Variants in RAB5A observed in about 807,000 individuals in gnomAD.
RAB5A encodes RAB5A, member RAS oncogene family.
RAB5A carries 8 observed loss-of-function variants against 25.7 expected under a neutral mutation model. The observed-to-expected ratio is 0.31, with a 90% CI of 0.18 to 0.56. RAB5A has a LOEUF of 0.56. Ranked by LOEUF, RAB5A falls within the 20% of genes least tolerant of loss-of-function variation. RAB5A has a pLI of 0.91. For synonymous variants in RAB5A, 98 were observed against 89.8 expected (o/e 1.09, Z -0.52); for missense variants, 192 against 259.7 (o/e 0.74, Z 1.79).
At chr3:19,960,935 T>C (rs375688541) in intron 2 of RAB5A, among the ~76,000 whole-genome samples, 10 of 152,212 alleles carry the variant, frequency 6.6e-5, no homozygotes, top group East Asian at 5.8e-4. Context: ...TGCATAATTA[T>C]CAGACACCTT....
At chr3:19,958,076 G>T (rs1242770046) in intron 2 of RAB5A, among the ~76,000 whole-genome samples, 1 of 152,004 alleles carries the variant, frequency 6.6e-6, no homozygotes, top group Non-Finnish European at 1.5e-5. Flanking sequence ...CTTTTTGCAT[G>T]TGCACATTGT....
chr3:19,947,737 G>C (rs6781143), intron 1 of RAB5A: 31,254 of 152,268 alleles, frequency 0.21, 3,903 homozygotes, highest in African/African-American at 0.35. Flanking sequence ...GGGATTTGGG[G>C]ACTGACTGAG....
At position 19,951,701 on chromosome 3, in the gene RAB5A, G is replaced by GTTTTTTTTTTTTTTTTT. The variant is rs61250458; in HGVS notation, c.163+642_163+658dup. 4.3e-3 allele frequency among the ~76,000 whole-genome samples: 422 copies of GTTTTTTTTTTTTTTTTT among 98,934 alleles called. 25 individuals are homozygous for GTTTTTTTTTTTTTTTTT. Among genetic ancestry groups the GTTTTTTTTTTTTTTTTT allele is most frequent in the African/African-American group, 5.8e-3 (141 of 24,376 alleles). 64.9% of individuals were successfully genotyped at this position (98,934 alleles called of 152,430 possible). On this transcript the variant is annotated intron_variant, in intron 2 of 5. Coordinates refer to ENST00000273047, the MANE Select transcript of RAB5A (RefSeq NM_004162.5). ...GGGTGCATGCCACCATGCCAGGCAA[G>GTTTTTTTTTTTTTTTTT]TTTTTTTTTTTTTTTTTTAAGAGTC... is the stretch of plus-strand genomic sequence containing the variant.
intron 5 of RAB5A, chr3:19,979,855 C>G (rs1011700753): frequency 6.6e-6 from 1 of 152,090 alleles, no homozygotes; most frequent in African/African-American, 2.4e-5. Context: ...TTTTACAGCA[C>G]TGATTCTTAA....
At chr3:19,954,926 T>C (rs1262074089) in intron 2 of RAB5A, among the ~76,000 whole-genome samples, 3 of 152,200 alleles carry the variant, frequency 2.0e-5, no homozygotes, top group Non-Finnish European at 2.9e-5. Flanking sequence ...ATTTAGAGAA[T>C]TCTAGCTTGT....
chr3:19,967,597 A>G (rs981901049), intron 2 of RAB5A, among the ~76,000 whole-genome samples: 1 of 152,182 alleles, frequency 6.6e-6, no homozygotes, highest in Non-Finnish European at 1.5e-5. Context: ...CTTAAGATGG[A>G]TTAATTTGGG....
chr3:19,970,252 C>T (rs1479394761), intron 2 of RAB5A, among the ~76,000 whole-genome samples: 1 of 152,218 alleles, frequency 6.6e-6, no homozygotes, highest in Non-Finnish European at 1.5e-5. Context: ...TTTGAATATC[C>T]TTTCCCTTGC....
chr3:19,951,760 C>A (rs1038189268), intron 2 of RAB5A, among the ~76,000 whole-genome samples: 5 of 136,018 alleles, frequency 3.7e-5, no homozygotes, highest in African/African-American at 8.6e-5. Context: ...TGGTCTTGAA[C>A]TCCTGGCCTC....
At position 19,985,170 on chromosome 3, in the gene RAB5A, A is replaced by C; in HGVS notation, c.*1347A>C. The C allele has an allele frequency of 2.0e-6, 1 of 495,698 alleles. No individual in the cohort carries two copies. Among genetic ancestry groups the C allele is most frequent in the South Asian group, 3.3e-5 (1 of 30,304 alleles). The allele number at this position is 495,698 out of a possible 1,614,324, so 30.7% of individuals were successfully genotyped here. A position where few individuals can be genotyped will look rare whatever the true frequency, so the allele number is the denominator to read the frequency against. ...TCAGGTTGGAATAAAGTGGTATAAA[A>C]AGCAAGTATCGGCTTTTCTCTTTTC... On this transcript the variant is annotated 3_prime_UTR_variant, in exon 6 of 6. Transcript: ENST00000273047.
At chr3:19,973,470 G>C (rs977364172) in intron 2 of RAB5A, among the ~76,000 whole-genome samples, 5 of 150,512 alleles carry the variant, frequency 3.3e-5, no homozygotes, top group Non-Finnish European at 1.5e-5. Context: ...TTTTTGGTAA[G>C]AGTACTGTCT....
chr3:19,951,131 A>G (rs1696416786), intron 2 of RAB5A, 70 bp downstream of exon 2: 17 of 1,539,442 alleles, frequency 1.1e-5, no homozygotes, highest in Non-Finnish European at 1.5e-5. Flanking sequence ...TTGATGTTCC[A>G]ATTGTGTGAT....
intron 2 of RAB5A, 90 bp from the exon 3 acceptor site, chr3:19,975,511 A>G: frequency 1.6e-6 from 2 of 1,286,784 alleles, no homozygotes; most frequent in South Asian, 1.5e-5. Flanking sequence ...ACAGTGTGAC[A>G]TTTTGATAGA....
At chr3:19,977,503 T>G (rs1386428649) in intron 4 of RAB5A, among the ~76,000 whole-genome samples, 1 of 152,260 alleles carries the variant, frequency 6.6e-6, no homozygotes, top group Admixed American at 6.5e-5. Flanking sequence ...ATGGAATCCA[T>G]GTATTCTTGC....
chr3:19,964,841 C>G (rs7625637), intron 2 of RAB5A, among the ~76,000 whole-genome samples: 1 of 151,332 alleles, frequency 6.6e-6, no homozygotes, highest in Non-Finnish European at 1.5e-5. Flanking sequence ...TGAACTACCT[C>G]AGGTCCCACC....
intron 2 of RAB5A, among the ~76,000 whole-genome samples, chr3:19,955,706 T>C (rs1200880069): frequency 6.6e-6 from 1 of 151,652 alleles, no homozygotes. Context: ...AGCTTGCCAA[T>C]GTGATGAAAC....
chr3:19,954,316 C>A (rs1216640190), intron 2 of RAB5A, among the ~76,000 whole-genome samples: 1 of 152,114 alleles, frequency 6.6e-6, no homozygotes, highest in East Asian at 1.9e-4. Flanking sequence ...CGCCTGGCCT[C>A]AACTGTTTAA....
At chr3:19,982,210 C>G (rs559352078) in intron 5 of RAB5A, among the ~76,000 whole-genome samples, 26 of 152,326 alleles carry the variant, frequency 1.7e-4, no homozygotes, top group African/African-American at 5.5e-4. Context: ...CACACTCTAA[C>G]TTGGGCTACA....
At chr3:19,980,129 A>G (rs1696895069) in intron 5 of RAB5A, 1 of 152,224 alleles carries the variant, frequency 6.6e-6, no homozygotes, top group Non-Finnish European at 1.5e-5. Context: ...ATTGTGTGAT[A>G]ATATACTCAT....
intron 5 of RAB5A, among the ~76,000 whole-genome samples, chr3:19,982,886 G>T (rs1181508748): frequency 6.6e-6 from 1 of 152,170 alleles, no homozygotes; most frequent in Non-Finnish European, 1.5e-5. Flanking sequence ...CACAGTAGAG[G>T]ACAAGTTTTG....
Sources: allele counts gnomAD v4.1 joint callset (sites outside exome capture counted in the v4.1 genomes callset), GRCh38; gene constraint gnomAD v4.1.1; transcripts MANE v1.5; gene names NCBI Gene and HGNC (gene_info 2026-07-23, HGNC 2026-07-21).